The following PLEKHA7 variants were observed in gnomAD, a reference collection of about 807,000 sequenced individuals.
PLEKHA7 encodes pleckstrin homology domain-containing family A member 7.
In PLEKHA7, 104 loss-of-function variants were observed where a neutral mutation model predicts 170.0. The ratio of observed to expected loss-of-function variants is 0.61; its 90% CI spans 0.52 to 0.72. The LOEUF (loss-of-function observed/expected upper bound fraction) is 0.72, where lower values mean the gene tolerates loss of function less well. Ranked by LOEUF, PLEKHA7 falls within the 30% of genes least tolerant of loss-of-function variation. PLEKHA7 has a pLI of 0.00. For missense variants in PLEKHA7, 1,615 were observed against 1,671.7 expected, an observed-to-expected ratio of 0.97 and a Z score of 0.59; for synonymous variants, 648 against 660.8, an observed-to-expected ratio of 0.98 and a Z score of 0.30.
intron 3 of PLEKHA7, among the ~76,000 whole-genome samples, chr11:16,986,235 G>A (rs1324149524): frequency 1.3e-5 from 2 of 152,138 alleles, no homozygotes; most frequent in African/African-American, 4.8e-5. Flanking sequence ...GCCCCTGTAG[G>A]GAGAACAGGA....
chr11:16,855,781 G>C (rs367620873), intron 5 of PLEKHA7, 22 bp downstream of exon 5: 2 of 1,530,884 alleles, frequency 1.3e-6, no homozygotes, highest in Non-Finnish European at 1.8e-6. Context: ...GGGAAGGAAG[G>C]AACAAGTGGC....
chr11:16,909,447 A>G (rs1192457004), intron 3 of PLEKHA7, among the ~76,000 whole-genome samples: 1 of 152,244 alleles, frequency 6.6e-6, no homozygotes, highest in Non-Finnish European at 1.5e-5. Flanking sequence ...ACAGTTTCAC[A>G]GGGCCTGCAT....
intron 10 of PLEKHA7, among the ~76,000 whole-genome samples, chr11:16,818,631 G>A (rs757362200): frequency 2.0e-5 from 3 of 152,114 alleles, no homozygotes; most frequent in Non-Finnish European, 2.9e-5. Context: ...CCCAGGCCAA[G>A]GTGAAAAATT....
At chr11:16,985,526 G>C (rs532275091) in intron 3 of PLEKHA7, among the ~76,000 whole-genome samples, 1 of 151,774 alleles carries the variant, frequency 6.6e-6, no homozygotes, top group Non-Finnish European at 1.5e-5. Flanking sequence ...AGGGGCAAGA[G>C]AGCTCTTGGG....
chr11:16,993,643 A>G (rs1369394931), intron 3 of PLEKHA7, among the ~76,000 whole-genome samples: 1 of 152,236 alleles, frequency 6.6e-6, no homozygotes, highest in Non-Finnish European at 1.5e-5. Flanking sequence ...CCCCAGCTGC[A>G]ATGGTCTCAA....
At chr11:16,800,355 G>C (rs2134371021) in intron 17 of PLEKHA7, among the ~76,000 whole-genome samples, 1 of 152,316 alleles carries the variant, frequency 6.6e-6, no homozygotes, top group African/African-American at 2.4e-5. Context: ...CACTTCTGGG[G>C]GACAGAGGCA....
intron 3 of PLEKHA7, among the ~76,000 whole-genome samples, chr11:16,979,704 C>T (rs1863298322): frequency 6.6e-6 from 1 of 151,580 alleles, no homozygotes; most frequent in African/African-American, 2.4e-5. Flanking sequence ...CCTACAAAGT[C>T]AGCAAGATTA....
At chr11:16,891,093 T>TATTCTATTCTATTCTATTC in intron 3 of PLEKHA7, among the ~76,000 whole-genome samples, 1 of 151,814 alleles carries the variant, frequency 6.6e-6, no homozygotes, top group Non-Finnish European at 1.5e-5. Flanking sequence ...TATTCTATTC[T>TATTCTATTCTATTCTATTC]TTTTAGAGAT....
intron 8 of PLEKHA7, among the ~76,000 whole-genome samples, chr11:16,849,096 C>T (rs894452251): frequency 6.6e-6 from 1 of 152,206 alleles, no homozygotes; most frequent in African/African-American, 2.4e-5. Context: ...TCTCTGCTCT[C>T]GGATCCTGAG....
chr11:16,846,959 A>G (rs1852456858), intron 8 of PLEKHA7, among the ~76,000 whole-genome samples: 1 of 152,134 alleles, frequency 6.6e-6, no homozygotes, highest in Admixed American at 6.6e-5. Flanking sequence ...GAAGTAGAGA[A>G]GAAGGGTACT....
chr11:16,898,038 T>C (rs1857107817), intron 3 of PLEKHA7, among the ~76,000 whole-genome samples: 2 of 152,116 alleles, frequency 1.3e-5, no homozygotes, highest in African/African-American at 4.8e-5. Flanking sequence ...TTTTTCTGAC[T>C]GATGGAAGAA....
At chr11:16,808,931 G>A (rs1294325254) in intron 13 of PLEKHA7, among the ~76,000 whole-genome samples, 1 of 152,218 alleles carries the variant, frequency 6.6e-6, no homozygotes, top group Admixed American at 6.5e-5. Context: ...TGTCCCAGCA[G>A]TGTAACTTTG....
chr11:16,789,169 A>G lies in PLEKHA7; in HGVS notation c.3284T>C (p.Leu1095Pro). The G allele has an allele frequency of 1.2e-6, 2 of 1,612,468 alleles. No homozygotes were observed. Among genetic ancestry groups the G allele is most frequent in the East Asian group, 2.2e-5 (1 of 44,868 alleles). Residue 1095 changes from leucine to proline, a missense_variant, in exon 23 of 27, where the codon CTG becomes CCG. Physicochemically the swap from Leu to Pro is moderately conservative, Grantham distance 98 (BLOSUM62 -3). Transcript: ENST00000531066. This position sits in a 1 kb window ranked among gnomAD's most constrained non-coding sequence, Gnocchi z 4.6. ...CAGGCCCGTCCTCTCCCCTTGGCCC[A>G]GTGTCCTCTTGCGCTCTCGGACCAG... ...KALVRERKRT[L>P]GQGERTGLPS...
intron 3 of PLEKHA7, among the ~76,000 whole-genome samples, chr11:16,912,871 A>G (rs766487306): frequency 6.6e-6 from 1 of 152,156 alleles, no homozygotes; most frequent in African/African-American, 2.4e-5. Context: ...CTGCTGGCCA[A>G]TTGCCAGCCA....
chr11:16,827,526 A>G (rs1304421638), intron 9 of PLEKHA7, among the ~76,000 whole-genome samples: 1 of 152,074 alleles, frequency 6.6e-6, no homozygotes, highest in Non-Finnish European at 1.5e-5. Context: ...GAGAATGGGG[A>G]GGGGTGATAG....
At position 17,013,980 on chromosome 11, in the gene PLEKHA7, C is replaced by T; in HGVS notation, c.221+9G>A. The T allele has an allele frequency of 6.5e-7, 1 of 1,538,074 alleles. No homozygotes were observed. Among genetic ancestry groups the T allele is most frequent in the Non-Finnish European group, 8.8e-7 (1 of 1,142,030 alleles). ...CACAGGTGCGAGCGCGGCGGCCCCACTCACTCACTCGATGAAGTAGCTGGC... is the reference window on the plus strand; with the variant it reads ...CACAGGTGCGAGCGCGGCGGCCCCATTCACTCACTCGATGAAGTAGCTGGC... On this transcript the variant is annotated intron_variant, in intron 3 of 26. Transcript: ENST00000531066.
intron 13 of PLEKHA7, among the ~76,000 whole-genome samples, chr11:16,806,508 C>T (rs950803233): frequency 2.0e-5 from 3 of 152,188 alleles, no homozygotes; most frequent in Non-Finnish European, 2.9e-5. Context: ...CATCTTCCCT[C>T]CCCTCCACCA....
chr11:16,885,112 A>T (rs1855983124), intron 3 of PLEKHA7, among the ~76,000 whole-genome samples: 1 of 152,094 alleles, frequency 6.6e-6, no homozygotes, highest in African/African-American at 2.4e-5. Flanking sequence ...AGGCCATGGC[A>T]GGTGGATCAT....
intron 3 of PLEKHA7, among the ~76,000 whole-genome samples, chr11:16,973,745 C>T (rs570210871): frequency 6.6e-6 from 1 of 152,232 alleles, no homozygotes; most frequent in East Asian, 1.9e-4. Flanking sequence ...AAAGTCCATG[C>T]CCTCCCCTGT....
Sources: allele counts gnomAD v4.1 joint callset (sites outside exome capture counted in the v4.1 genomes callset), GRCh38; gene constraint gnomAD v4.1.1; non-coding constraint Gnocchi (gnomAD v3.1); transcripts MANE v1.5; gene names NCBI Gene and HGNC (gene_info 2026-07-23, HGNC 2026-07-21).